The following TMEM163 variants were observed in gnomAD, a reference collection of about 807,000 sequenced individuals.
The protein encoded by TMEM163 is transmembrane protein 163.
TMEM163 carries 17 observed loss-of-function variants against 29.3 expected under a neutral mutation model. The observed-to-expected ratio is 0.58, with a 90% confidence interval of 0.40 to 0.87. TMEM163 has a LOEUF of 0.87. Among genes scored for constraint, TMEM163 ranks in the 40% least tolerant of loss-of-function variants. The probability of loss-of-function intolerance (pLI) is 0.00; values close to 1 mark genes in which losing one functional copy is unlikely to be tolerated. For synonymous variants in TMEM163, 157 were observed against 160.6 expected, an observed-to-expected ratio of 0.98 and a Z score of 0.17; for missense variants, 303 against 381.5, an observed-to-expected ratio of 0.79 and a Z score of 1.71.
At chr2:134,704,801 G>A (rs1167817460) in intron 2 of TMEM163, among the ~76,000 whole-genome samples, 1 of 152,126 alleles carries the variant, frequency 6.6e-6, no homozygotes, top group African/African-American at 2.4e-5. Flanking sequence ...TATTTATTCT[G>A]GTCCACCCTT....
intron 2 of TMEM163, among the ~76,000 whole-genome samples, chr2:134,586,263 C>T (rs1383579422): frequency 6.6e-6 from 1 of 152,190 alleles, no homozygotes; most frequent in Non-Finnish European, 1.5e-5. Context: ...GTGGCTTAAC[C>T]AGGAGAACTT....
chr2:134,657,634 C>T (rs1429961961), intron 2 of TMEM163, among the ~76,000 whole-genome samples: 1 of 152,034 alleles, frequency 6.6e-6, no homozygotes, highest in Admixed American at 6.6e-5. Context: ...GAAACCCCAT[C>T]TCTACTAAAT....
chr2:134,549,103 T>TA (rs35128948), intron 4 of TMEM163, among the ~76,000 whole-genome samples: 44,878 of 144,130 alleles, frequency 0.31, 7,077 homozygotes, highest in East Asian at 0.57. Context: ...CTTAATTTGT[T>TA]AAAAAAAAAA....
At chr2:134,556,406 C>A (rs1037704609) in intron 2 of TMEM163, among the ~76,000 whole-genome samples, 1 of 152,162 alleles carries the variant, frequency 6.6e-6, no homozygotes, top group Admixed American at 6.5e-5. Context: ...ATAATAGGTT[C>A]ATGTGATTTA....
chr2:134,695,787 A>T (rs1004844735), intron 2 of TMEM163, among the ~76,000 whole-genome samples: 4 of 152,304 alleles, frequency 2.6e-5, no homozygotes, highest in African/African-American at 9.6e-5. Context: ...TTGGTTGGGC[A>T]TGGTAGCTCA....
intron 4 of TMEM163, among the ~76,000 whole-genome samples, chr2:134,504,773 C>T (rs185833564): frequency 3.3e-5 from 5 of 152,222 alleles, no homozygotes; most frequent in African/African-American, 1.2e-4. Context: ...TAATGTGCTG[C>T]CTGTGTGTGA....
intron 2 of TMEM163, among the ~76,000 whole-genome samples, chr2:134,704,375 G>A (rs1286125087): frequency 6.6e-6 from 1 of 152,098 alleles, no homozygotes; most frequent in East Asian, 1.9e-4. Flanking sequence ...ACTGAAGGAC[G>A]CTGCCTCCCC....
rs897938901 is a variant in TMEM163, at chr2:134,493,433, G to A, written c.555+9468C>T. Among the ~76,000 whole-genome samples, 3 of 129,304 alleles carry A rather than the reference G, an allele frequency of 2.3e-5. No individual in the cohort carries two copies. In the East Asian group the frequency reaches 7.8e-4, roughly 34 times the overall value. The allele number at this position is 129,304 out of a possible 152,430, so 84.8% of individuals were successfully genotyped here. A position where few individuals can be genotyped will look rare whatever the true frequency, so the allele number is the denominator to read the frequency against. ...CTGTCGCCCAGTCTGGAGTACAGTGGTGCAGTCTCAGCTCACTGCAACCTC... is the reference window on the plus strand; with the variant it reads ...CTGTCGCCCAGTCTGGAGTACAGTGATGCAGTCTCAGCTCACTGCAACCTC... On this transcript the variant is annotated intron_variant, in intron 5 of 7. Coordinates refer to ENST00000281924, the MANE Select transcript of TMEM163 (RefSeq NM_030923.5).
chr2:134,643,696 T>C (rs1197179144), intron 2 of TMEM163, among the ~76,000 whole-genome samples: 1 of 151,184 alleles, frequency 6.6e-6, no homozygotes, highest in Non-Finnish European at 1.5e-5. Flanking sequence ...AAACTACAAA[T>C]AGAAGACTTC....
intron 1 of TMEM163, among the ~76,000 whole-genome samples, chr2:134,718,428 G>T (rs939677228): frequency 6.6e-6 from 1 of 152,232 alleles, no homozygotes; most frequent in Non-Finnish European, 1.5e-5. Context: ...AATGCCTCCC[G>T]CAAACTTTTC....
intron 4 of TMEM163, among the ~76,000 whole-genome samples, chr2:134,531,882 G>A (rs1380724685): frequency 3.3e-5 from 5 of 152,206 alleles, no homozygotes; most frequent in African/African-American, 1.2e-4. Flanking sequence ...GGGGCTGGAA[G>A]TCCTGACCCT....
chr2:134,602,982 G>C (rs551162198), intron 2 of TMEM163, among the ~76,000 whole-genome samples: 3 of 151,994 alleles, frequency 2.0e-5, no homozygotes, highest in Non-Finnish European at 2.9e-5. Flanking sequence ...TCTGCCTTTG[G>C]GGGTATAGGC....
intron 2 of TMEM163, among the ~76,000 whole-genome samples, chr2:134,665,676 A>G (rs1010708245): frequency 6.6e-6 from 1 of 152,096 alleles, no homozygotes; most frequent in African/African-American, 2.4e-5. Flanking sequence ...TAACTCATAC[A>G]GTGGGAAAGC....
chr2:134,524,845 T>A (rs1354643054), intron 4 of TMEM163, among the ~76,000 whole-genome samples: 2 of 150,478 alleles, frequency 1.3e-5, no homozygotes, highest in Non-Finnish European at 3.0e-5. Flanking sequence ...TGCATGTATG[T>A]TTATAATAGA....
intron 5 of TMEM163, among the ~76,000 whole-genome samples, chr2:134,474,898 C>T (rs1333657078): frequency 3.9e-5 from 6 of 152,066 alleles, no homozygotes; most frequent in South Asian, 2.1e-4. Context: ...ATTATTAAAA[C>T]GTTAGTTCTC....
chr2:134,597,401 T>C (rs899796215), intron 2 of TMEM163, among the ~76,000 whole-genome samples: 6 of 152,258 alleles, frequency 3.9e-5, no homozygotes, highest in African/African-American at 1.2e-4. Flanking sequence ...GTTCTGTTTA[T>C]ATGTTGGATT....
intron 2 of TMEM163, among the ~76,000 whole-genome samples, chr2:134,581,858 C>T (rs1052326791): frequency 4.6e-5 from 7 of 152,222 alleles, no homozygotes. Flanking sequence ...CCATCTCCCT[C>T]CTGCCCTTGA....
chr2:134,506,028 G>A (rs776234252), intron 4 of TMEM163, among the ~76,000 whole-genome samples: 13 of 152,122 alleles, frequency 8.5e-5, no homozygotes, highest in Non-Finnish European at 1.6e-4. Context: ...GATGGGAGGA[G>A]GAAAGAGACT....
At chr2:134,611,785 G>A (rs773868632) in intron 2 of TMEM163, among the ~76,000 whole-genome samples, 2 of 147,490 alleles carry the variant, frequency 1.4e-5, no homozygotes, top group Admixed American at 6.6e-5. Context: ...AAACCACCCG[G>A]AACACCTGCA....
Sources: gnomAD v4.1 joint callset for allele counts (sites outside exome capture counted in the v4.1 genomes callset) on GRCh38, gnomAD v4.1.1 for gene constraint, MANE v1.5 for transcripts, NCBI Gene and HGNC (gene_info 2026-07-23, HGNC 2026-07-21) for gene names.